Variants in ATP5MC3 observed in about 807,000 individuals in gnomAD.
The protein encoded by ATP5MC3 is ATP synthase membrane subunit c locus 3.
In ATP5MC3, 6 loss-of-function variants were observed where a neutral mutation model predicts 15.6. The ratio of observed to expected loss-of-function variants is 0.38; its 90% confidence interval spans 0.21 to 0.76. The LOEUF (loss-of-function observed/expected upper bound fraction) is 0.76. Among genes scored for constraint, ATP5MC3 ranks in the 30% least tolerant of loss-of-function variants. The probability of loss-of-function intolerance (pLI) is 0.44; values close to 1 mark genes in which losing one functional copy is unlikely to be tolerated. For missense variants in ATP5MC3, 132 were observed against 171.2 expected, an observed-to-expected ratio of 0.77 and a Z score of 1.28; for synonymous variants, 66 against 63.3, an observed-to-expected ratio of 1.04 and a Z score of -0.20.
chr2:175,178,467 A>C, intron 4 of ATP5MC3, 65 bp from the exon 5 acceptor site: 1 of 1,544,980 alleles, frequency 6.5e-7, no homozygotes, highest in Non-Finnish European at 8.7e-7. Flanking sequence ...GTAAATGTTA[A>C]AGAATCAGAT....
rs1174679909 is a variant in ATP5MC3, at chr2:175,176,511, T to C, written c.*1777A>G. ...TAATCTTTTAATTTTTGAGCCAGATTTAGCAGTGAGGGGCTATATACCAAC... is the reference window on the plus strand; with the variant it reads ...TAATCTTTTAATTTTTGAGCCAGATCTAGCAGTGAGGGGCTATATACCAAC... On this transcript the variant is annotated 3_prime_UTR_variant, in exon 5 of 5. Transcript: ENST00000284727. The C allele has an allele frequency of 6.6e-6, 1 of 152,176 alleles. No homozygotes were observed. The highest frequency in any genetic ancestry group is 2.1e-4 in the South Asian group (1 of 4,830). The allele number at this position is 152,176 out of a possible 1,614,324, so 9.4% of individuals were successfully genotyped here.
Position 175,178,115 on chromosome 2 carries a change from C to T in ATP5MC3, c.*173G>A. On this transcript the variant is annotated 3_prime_UTR_variant, in exon 5 of 5. Transcript: ENST00000284727. ...ACGTTCTTCTTTGTGATAATCTAAA[C>T]TTAGTGTAAGTACAAATCACAGAAG... 7.8e-7 allele frequency: 1 copy of T among 1,278,356 alleles called. No individual in the cohort carries two copies. 79.2% of individuals were successfully genotyped at this position (1,278,356 alleles called of 1,614,324 possible). A position where few individuals can be genotyped will look rare whatever the true frequency, so the allele number is the denominator to read the frequency against.
At chr2:175,178,589 C>T in intron 4 of ATP5MC3, 187 bp from the exon 5 acceptor site, 2 of 1,318,256 alleles carry the variant, frequency 1.5e-6, no homozygotes, top group Non-Finnish European at 1.9e-6. Flanking sequence ...AGGTAGGGAG[C>T]TGTCTGTCAA....
chr2:175,179,143 A>G lies in ATP5MC3; in HGVS notation c.228T>C (p.Ile76=), dbSNP rs1360510917. Residue 76 remains isoleucine (I), a synonymous_variant, in exon 4 of 5, where the codon ATT becomes ATC. Transcript: ENST00000284727. ...CTCCTACTGTTGCAGCACCTGCACC[A>G]ATAAATTTGGCAGCAGTATCAATGT... ...SRDIDTAAKF[I]GAGAATVGVA... 1.2e-6 allele frequency: 2 copies of G among 1,614,222 alleles called. No homozygotes were observed. The highest frequency in any genetic ancestry group is 3.3e-5 in the Admixed American group (2 of 60,022).
chr2:175,179,336 C>CT, intron 3 of ATP5MC3, 86 bp from the exon 4 acceptor site: 1 of 1,445,670 alleles, frequency 6.9e-7, no homozygotes, highest in Non-Finnish European at 9.2e-7. Context: ...AAAATGATAA[C>CT]TACTTTTTTA....
chr2:175,180,087 G>T lies in ATP5MC3; in HGVS notation c.120+11C>A. The T allele has an allele frequency of 1.3e-6, 2 of 1,577,596 alleles. No homozygotes were observed. Among genetic ancestry groups the T allele is most frequent in the Admixed American group, 2.0e-5 (1 of 51,060 alleles). The stretch of plus-strand genomic sequence containing the variant: ...GTAGTGTTACCTAATTTCAATTATT[G>T]CTACTATTACCTCTCCAGTCCTACT... On this transcript the variant is annotated intron_variant, in intron 3 of 4. Transcript: ENST00000284727.
rs1336487916 is a variant in ATP5MC3 at position 175,180,099 on chromosome 2, T to C, written c.119A>G (p.Glu40Gly). Residue 40 changes from glutamate to glycine, a missense_variant and splice_region_variant, in exon 3 of 5, where the codon GAG becomes GGG. Coordinates refer to ENST00000284727, the MANE Select transcript of ATP5MC3 (RefSeq NM_001689.5). ...AATTTCAATTATTGCTACTATTACC[T>C]CTCCAGTCCTACTAGCCTCTGGTCG... ...LSRPEASRTG[E>G]GSTVFNGAQN... 1 of 1,593,144 alleles carries C rather than the reference T, an allele frequency of 6.3e-7. No individual in the cohort carries two copies. Among genetic ancestry groups the C allele is most frequent in the Non-Finnish European group, 8.5e-7 (1 of 1,173,664 alleles).
At position 175,179,266 on chromosome 2, in the gene ATP5MC3, T is replaced by C; in HGVS notation, c.121-16A>G. ...CCGTAGAGCCCTGGAAAACAGAAAA[T>C]AAAGGTAAAGGTCGTATCAGTAACC... On this transcript the variant is annotated splice_polypyrimidine_tract_variant and intron_variant, in intron 3 of 4. Coordinates refer to ENST00000284727, the MANE Select transcript of ATP5MC3 (RefSeq NM_001689.5). The C allele has an allele frequency of 6.3e-7, 1 of 1,592,582 alleles. No homozygotes were observed.
rs375263899 is a variant in ATP5MC3 at position 175,181,317 on chromosome 2, C to A, written c.39+38G>T. ...CGTGGACGCTCTAGGCCAAAACGCC[C>A]ACCCCTCAATCCCCCCGACCCTGCC... On this transcript the variant is annotated intron_variant, in intron 2 of 4. Coordinates refer to ENST00000284727, the MANE Select transcript of ATP5MC3 (RefSeq NM_001689.5). 5.8e-5 allele frequency: 93 copies of A among 1,606,264 alleles called. 1 individual carries two copies. In the African/African-American group the frequency reaches 1.1e-3, roughly 18 times the overall value.
Position 175,178,911 on chromosome 2 carries a change from TTAAG to T in ATP5MC3, c.314+142_314+145del, listed in dbSNP as rs1249122240. ...AACACCCCAAATGGTGTTATGAGAA[TTAAG>T]TGAGATAATGCATACAAAGCCCTTT... On this transcript the variant is annotated intron_variant, in intron 4 of 4. Coordinates refer to ENST00000284727, the MANE Select transcript of ATP5MC3 (RefSeq NM_001689.5). 3.8e-6 allele frequency: 5 copies of T among 1,309,262 alleles called. No individual in the cohort carries two copies. In the African/African-American group the frequency reaches 6.0e-5, roughly 16 times the overall value. 81.1% of individuals were successfully genotyped at this position (1,309,262 alleles called of 1,614,324 possible).
At position 175,176,458 on chromosome 2, in the gene ATP5MC3, C is replaced by T. The variant is rs901665353; in HGVS notation, c.*1830G>A. The T allele has an allele frequency of 6.6e-6, 1 of 152,106 alleles. No individual in the cohort carries two copies. The highest frequency in any genetic ancestry group is 1.5e-5 in the Non-Finnish European group (1 of 68,016). 9.4% of individuals were successfully genotyped at this position (152,106 alleles called of 1,614,324 possible). The stretch of plus-strand genomic sequence containing the variant: ...TTATTATATTTACAATGTTGTGCAA[C>T]CATCACCACTAATTCATCAAATTTT... On this transcript the variant is annotated 3_prime_UTR_variant, in exon 5 of 5. Coordinates refer to ENST00000284727, the MANE Select transcript of ATP5MC3 (RefSeq NM_001689.5).
chr2:175,181,553 C>A, intron 1 of ATP5MC3, 87 bp from the exon 2 acceptor site: 2 of 852,958 alleles, frequency 2.3e-6, no homozygotes, highest in South Asian at 1.8e-5. Context: ...TGCACGCCGT[C>A]AGCTTGGGCC....
chr2:175,178,451 T>C, intron 4 of ATP5MC3, 49 bp from the exon 5 acceptor site: 4 of 1,559,744 alleles, frequency 2.6e-6, no homozygotes, highest in Non-Finnish European at 3.4e-6. Context: ...AATTTCAACA[T>C]GTTTGGTAAA....
intron 4 of ATP5MC3, chr2:175,178,699 A>T (rs1700724314): frequency 8.6e-7 from 1 of 1,161,878 alleles, no homozygotes; most frequent in African/African-American, 1.6e-5. Context: ...TTAGGTCTTA[A>T]ATAAAATAAA....
rs1700693099 is a variant in ATP5MC3, at chr2:175,176,862, T to C, written c.*1426A>G. On this transcript the variant is annotated 3_prime_UTR_variant, in exon 5 of 5. Coordinates refer to ENST00000284727, the MANE Select transcript of ATP5MC3 (RefSeq NM_001689.5). ...TTCCATTATATGGATGTATTTTACT[T>C]ATCCATTCATCAGCTGATAGACATT... 6.6e-6 allele frequency: 1 copy of C among 152,238 alleles called. No homozygotes were observed. The highest frequency in any genetic ancestry group is 1.5e-5 in the Non-Finnish European group (1 of 68,026). The allele number at this position is 152,238 out of a possible 1,614,324, so 9.4% of individuals were successfully genotyped here.
At position 175,177,606 on chromosome 2, in the gene ATP5MC3, T is replaced by G. The variant is rs1700707799; in HGVS notation, c.*682A>C. Reference sequence around the variant, plus strand: ...ATCTAGCCAATTCAGTTTTTTGATATTTGGTTTTTAATAGTCTTGTTCAAG... The same window carrying G: ...ATCTAGCCAATTCAGTTTTTTGATAGTTGGTTTTTAATAGTCTTGTTCAAG... On this transcript the variant is annotated 3_prime_UTR_variant, in exon 5 of 5. Coordinates refer to ENST00000284727, the MANE Select transcript of ATP5MC3 (RefSeq NM_001689.5). 1 of 151,014 alleles carries G rather than the reference T, an allele frequency of 6.6e-6. No homozygotes were observed. The allele number at this position is 151,014 out of a possible 1,614,324, so 9.4% of individuals were successfully genotyped here. A position where few individuals can be genotyped will look rare whatever the true frequency, so the allele number is the denominator to read the frequency against.
chr2:175,181,386 G>A lies in ATP5MC3; in HGVS notation c.8C>T (p.Ala3Val), dbSNP rs1700768813. Residue 3 changes from alanine (A) to valine (V), a missense_variant, in exon 2 of 5, where the codon GCC (alanine) becomes GTC (valine). Coordinates refer to ENST00000284727, the MANE Select transcript of ATP5MC3 (RefSeq NM_001689.5). ...GGGGGTGCAGGCGAGCTTGGCGCAG[G>A]CGAACATCTTACACTCTTCGGGACT... MF[A>V]CAKLACTPSL... 6.2e-7 allele frequency: 1 copy of A among 1,613,772 alleles called. No homozygotes were observed. The highest frequency in any genetic ancestry group is 1.3e-5 in the African/African-American group (1 of 74,936).
rs1330995637 is a variant in ATP5MC3, at chr2:175,176,832, G to A, written c.*1456C>T. 6.6e-6 allele frequency: 1 copy of A among 152,154 alleles called. No individual in the cohort carries two copies. Among genetic ancestry groups the A allele is most frequent in the Admixed American group, 6.5e-5 (1 of 15,276 alleles). 9.4% of individuals were successfully genotyped at this position (152,154 alleles called of 1,614,324 possible). A position where few individuals can be genotyped will look rare whatever the true frequency, so the allele number is the denominator to read the frequency against. On this transcript the variant is annotated 3_prime_UTR_variant, in exon 5 of 5. Transcript: ENST00000284727. ...CAGTGCCTCATTCCTTTTCATGGCT[G>A]AATATTCCATTATATGGATGTATTT...
rs1700747574 is a variant in ATP5MC3 at position 175,180,137 on chromosome 2, T to C, written c.81A>G (p.Ala27=). 1.4e-5 allele frequency: 22 copies of C among 1,600,556 alleles called. No individual in the cohort carries two copies. The highest frequency in any genetic ancestry group is 2.3e-5 in the East Asian group (1 of 44,318). Residue 27 remains alanine (A), a synonymous_variant, in exon 3 of 5, where the codon GCA becomes GCG. Transcript: ENST00000284727. The stretch of plus-strand genomic sequence containing the variant: ...TAGCCTCTGGTCGAGATAACACTGA[T>C]GCAGAAATTGGTCTGTATGCAACTC... The part of the protein sequence containing the change: ...GSRVAYRPIS[A]SVLSRPEASR...
Sources: allele counts gnomAD v4.1 joint callset, GRCh38; gene constraint gnomAD v4.1.1; transcripts MANE v1.5; gene names NCBI Gene and HGNC (gene_info 2026-07-23, HGNC 2026-07-21).